Variants in GNAQ observed in about 807,000 individuals in gnomAD.
The protein encoded by GNAQ is guanine nucleotide-binding protein G(q) subunit alpha.
Under a neutral mutation model 43.9 loss-of-function variants are expected in GNAQ, and 8 were observed. That is an observed-to-expected ratio of 0.18 (90% CI 0.11 to 0.33). The LOEUF (loss-of-function observed/expected upper bound fraction) is 0.33, where lower values mean the gene tolerates loss of function less well. Ranked by LOEUF, GNAQ falls within the 10% of genes least tolerant of loss-of-function variation. GNAQ has a pLI of 1.00. For missense variants in GNAQ, 158 were observed against 450.8 expected (o/e 0.35, Z 5.88); for synonymous variants, 155 against 170.7 (o/e 0.91, Z 0.71).
Position 77,934,849 on chromosome 9 carries a change from G to A in GNAQ, c.137-12504C>T, listed in dbSNP as rs142620984. ...GTCAGTTAAAAGGAAAATTAGGGCC[G>A]GGTGCGGTGGCTCACGCCTGTAATC... On this transcript the variant is annotated intron_variant, in intron 1 of 6. Transcript: ENST00000286548. Among the ~76,000 whole-genome samples, 630 of 152,264 alleles carry A rather than the reference G, an allele frequency of 4.1e-3. 4 individuals carry two copies. Among genetic ancestry groups the A allele is most frequent in the African/African-American group, 0.015 (603 of 41,544 alleles).
chr9:77,898,813 A>C (rs1278289506), intron 2 of GNAQ, among the ~76,000 whole-genome samples: 2 of 152,232 alleles, frequency 1.3e-5, no homozygotes, highest in Non-Finnish European at 1.5e-5. Flanking sequence ...ATTTTTTACA[A>C]CATATACATT....
chr9:77,929,593 C>T (rs893298185), intron 1 of GNAQ, among the ~76,000 whole-genome samples: 4 of 152,018 alleles, frequency 2.6e-5, no homozygotes, highest in Admixed American at 1.3e-4. Flanking sequence ...CACTGTGGGA[C>T]GCCGAGGTGG....
chr9:77,858,263 G>A (rs1333387911), intron 2 of GNAQ, among the ~76,000 whole-genome samples: 2 of 152,222 alleles, frequency 1.3e-5, no homozygotes, highest in East Asian at 3.9e-4. Context: ...GGATTCCAAC[G>A]CAGAGACAGG....
At chr9:77,776,448 A>G (rs1019331533) in intron 5 of GNAQ, among the ~76,000 whole-genome samples, 6 of 152,238 alleles carry the variant, frequency 3.9e-5, no homozygotes, top group Non-Finnish European at 7.3e-5. Context: ...AACAGACTTC[A>G]GGGTAAAAAT....
At chr9:77,810,238 C>T (rs934162581) in intron 3 of GNAQ, among the ~76,000 whole-genome samples, 2 of 151,782 alleles carry the variant, frequency 1.3e-5, no homozygotes, top group African/African-American at 2.4e-5. Flanking sequence ...ATCTATCTAT[C>T]TATCTATCTA....
chr9:77,731,385 C>T (rs1441191311), intron 5 of GNAQ, among the ~76,000 whole-genome samples: 3 of 152,316 alleles, frequency 2.0e-5, no homozygotes, highest in Admixed American at 6.5e-5. Context: ...CCCAGTACTG[C>T]TGCACTGGGG....
At chr9:77,921,102 G>C (rs1344444520) in intron 2 of GNAQ, among the ~76,000 whole-genome samples, 1 of 152,136 alleles carries the variant, frequency 6.6e-6, no homozygotes, top group Admixed American at 6.6e-5. Context: ...AATAATTATA[G>C]GTATAAATGC....
intron 2 of GNAQ, among the ~76,000 whole-genome samples, chr9:77,852,028 T>G (rs1045602431): frequency 1.3e-5 from 2 of 152,204 alleles, no homozygotes; most frequent in Non-Finnish European, 2.9e-5. Context: ...AACAAGATTC[T>G]GCTGAAGATT....
At chr9:77,755,737 G>T (rs139220245) in intron 5 of GNAQ, among the ~76,000 whole-genome samples, 149 of 152,292 alleles carry the variant, frequency 9.8e-4, no homozygotes, top group East Asian at 5.0e-3. Context: ...ATGAAGGAGA[G>T]TTGTATTATG....
intron 5 of GNAQ, among the ~76,000 whole-genome samples, chr9:77,785,489 C>T (rs901500832): frequency 6.6e-6 from 1 of 152,164 alleles, no homozygotes; most frequent in African/African-American, 2.4e-5. Context: ...GTATCTACCA[C>T]AGTTGAACAT....
At chr9:78,016,470 G>A (rs11790096) in intron 1 of GNAQ, among the ~76,000 whole-genome samples, 2 of 152,110 alleles carry the variant, frequency 1.3e-5, no homozygotes, top group Non-Finnish European at 2.9e-5. Context: ...CGGATCACGA[G>A]GCCAGGAGAT....
At chr9:77,828,059 C>CAAAAAAAAAAAGAAAAAAA (rs1827231818) in intron 2 of GNAQ, among the ~76,000 whole-genome samples, 1 of 19,224 alleles carries the variant, frequency 5.2e-5, no homozygotes, top group African/African-American at 2.2e-4. Context: ...GACTCCTCCT[C>CAAAAAAAAAAAGAAAAAAA]AAAAAAAAAA....
chr9:77,773,650 T>G lies in GNAQ; in HGVS notation c.735+20813A>C, dbSNP rs1826263157. ...TAATGTTCCACAAAAGACACTACACTTTTTTCTTGTTCCCATTTTAAAGTG... is the reference window on the plus strand; with the variant it reads ...TAATGTTCCACAAAAGACACTACACGTTTTTCTTGTTCCCATTTTAAAGTG... On this transcript the variant is annotated intron_variant, in intron 5 of 6. Transcript: ENST00000286548. Among the ~76,000 whole-genome samples, 4 of 152,350 alleles carry G rather than the reference T, an allele frequency of 2.6e-5. No homozygotes were observed. In the South Asian group the frequency reaches 8.3e-4, roughly 32 times the overall value.
chr9:77,761,258 T>G (rs529195346), intron 5 of GNAQ, among the ~76,000 whole-genome samples: 6 of 78,832 alleles, frequency 7.6e-5, no homozygotes, highest in Non-Finnish European at 1.7e-4. Flanking sequence ...CCAGCCACCC[T>G]GTCCGGGAGG....
intron 1 of GNAQ, among the ~76,000 whole-genome samples, chr9:77,994,128 C>T (rs1823541138): frequency 6.6e-6 from 1 of 152,136 alleles, no homozygotes; most frequent in Non-Finnish European, 1.5e-5. Context: ...GTGATCCTCC[C>T]ACCTCTACCT....
intron 5 of GNAQ, among the ~76,000 whole-genome samples, chr9:77,789,242 A>G (rs1826529525): frequency 6.6e-6 from 1 of 152,220 alleles, no homozygotes; most frequent in Non-Finnish European, 1.5e-5. Flanking sequence ...ATAACCATAA[A>G]AATAAATTTT....
chr9:77,912,641 A>G (rs1828827261), intron 2 of GNAQ, among the ~76,000 whole-genome samples: 1 of 152,238 alleles, frequency 6.6e-6, no homozygotes, highest in Admixed American at 6.5e-5. Context: ...CATTTACTCA[A>G]CAAAGATGTA....
intron 5 of GNAQ, among the ~76,000 whole-genome samples, chr9:77,752,738 C>T (rs1031654668): frequency 2.6e-5 from 4 of 152,194 alleles, no homozygotes; most frequent in Non-Finnish European, 4.4e-5. Context: ...TGTTATTCTG[C>T]ATGTAAATTT....
At chr9:77,921,111 G>C (rs1423971645) in intron 2 of GNAQ, among the ~76,000 whole-genome samples, 1 of 152,178 alleles carries the variant, frequency 6.6e-6, no homozygotes, top group Non-Finnish European at 1.5e-5. Flanking sequence ...AGGTATAAAT[G>C]CAGTGTTTTA....
Sources: gnomAD v4.1 joint callset for allele counts (sites outside exome capture counted in the v4.1 genomes callset) on GRCh38, gnomAD v4.1.1 for gene constraint, MANE v1.5 for transcripts, NCBI Gene and HGNC (gene_info 2026-07-23, HGNC 2026-07-21) for gene names.